AHNAK2: variants seen among roughly 807,000 people sequenced by gnomAD.
AHNAK2 encodes the protein protein AHNAK2.
A neutral mutation model predicts 30.7 loss-of-function variants in AHNAK2; 18 were observed. That is an observed-to-expected ratio of 0.59 (90% CI 0.41 to 0.87). The LOEUF (loss-of-function observed/expected upper bound fraction) is 0.87, where lower values mean the gene tolerates loss of function less well. Ranked by LOEUF, AHNAK2 falls within the 40% of genes least tolerant of loss-of-function variation. The pLI is 0.00. For synonymous variants in AHNAK2, 3,590 were observed against 3,073.8 expected (o/e 1.17, Z -5.56); for missense variants, 8,604 against 7,373.0 (o/e 1.17, Z -6.11).
In AHNAK2 at chr14:104,943,787, C is replaced by T. The variant is rs377510829; in HGVS notation, c.11664G>A (p.Lys3888=). 248 of 1,613,098 alleles carry T rather than the reference C, an allele frequency of 1.5e-4. 1 individual carries two copies. Among genetic ancestry groups the T allele is most frequent in the Non-Finnish European group, 1.9e-4 (228 of 1,179,592 alleles). The part of the protein sequence containing the change: ...EEAGLKGHLP[K]VQMPSFKMPK... ...GCATCTTGAAACTGGGCATCTGCAC[C>T]TTGGGCAGGTGTCCTTTGAGGCCGG... is the stretch of plus-strand genomic sequence containing the variant. The change falls in exon 7 of 7, where the codon AAG becomes AAA. Residue 3888 remains lysine (K), a synonymous_variant. Transcript: ENST00000333244.
intron 1 of AHNAK2, among the ~76,000 whole-genome samples, chr14:104,971,332 C>T (rs1899465790): frequency 6.6e-6 from 1 of 152,156 alleles, no homozygotes; most frequent in Non-Finnish European, 1.5e-5. Flanking sequence ...CCAGGCTGAT[C>T]TCATACGCAT....
Position 104,942,524 on chromosome 14 carries a change from C to G in AHNAK2, c.12927G>C (p.Gly4309=), listed in dbSNP as rs556606574. 6.2e-7 allele frequency: 1 copy of G among 1,612,994 alleles called. No individual in the cohort carries two copies. The highest frequency in any genetic ancestry group is 1.3e-5 in the African/African-American group (1 of 74,714). ...KMPKFKMPSF[G]VSAPGKSIEA... is the part of the protein sequence containing the mutation. The stretch of plus-strand genomic sequence containing the variant: ...CGATGGACTTGCCTGGGGCAGACAC[C>G]CCGAACGACGGCATCTTGAACTTGG... The change falls in exon 7 of 7, where the codon GGG becomes GGC. Residue 4309 remains glycine, a synonymous_variant. Transcript: ENST00000333244.
chr14:104,955,252 C>T (rs1382351242), intron 5 of AHNAK2, 111 bp from the exon 6 acceptor site: 1 of 1,362,412 alleles, frequency 7.3e-7, no homozygotes, highest in Non-Finnish European at 9.9e-7. Context: ...GGGAATCCCA[C>T]TGAGTCTGCC....
chr14:104,976,079 C>T (rs981639069), intron 1 of AHNAK2, among the ~76,000 whole-genome samples: 4 of 152,128 alleles, frequency 2.6e-5, no homozygotes, highest in African/African-American at 9.7e-5. Context: ...GCTCAGGCCA[C>T]ACCGGGGCAG....
At position 104,946,235 on chromosome 14, in the gene AHNAK2, G is replaced by A. The variant is rs1403217477; in HGVS notation, c.9216C>T (p.Pro3072=). 2 of 1,606,532 alleles carry A rather than the reference G, an allele frequency of 1.2e-6. No individual in the cohort carries two copies. Among genetic ancestry groups the A allele is most frequent in the East Asian group, 2.2e-5 (1 of 44,518 alleles). ...PKLQMPSFKM[P]KVDRKGPQID... is the part of the protein sequence containing the mutation. Reference sequence around the variant, plus strand: ...TCTGGGGTCCCTTGCGATCTACTTTGGGCATCTTGAAACTGGGCATCTGCA... The same window carrying A: ...TCTGGGGTCCCTTGCGATCTACTTTAGGCATCTTGAAACTGGGCATCTGCA... The change falls in exon 7 of 7, where the codon CCC becomes CCT. Residue 3072 remains proline, a synonymous_variant. Transcript: ENST00000333244.
chr14:104,947,653 C>T lies in AHNAK2; in HGVS notation c.7798G>A (p.Ala2600Thr), dbSNP rs201261247. The change falls in exon 7 of 7, where the codon GCG (alanine) becomes ACG (threonine). Residue 2600 changes from alanine to threonine, a missense_variant. By Grantham distance (58) the Ala-to-Thr change is moderately conservative. Coordinates refer to ENST00000333244, the MANE Select transcript of AHNAK2 (RefSeq NM_138420.4). ...TCCACATCGGGGGCTGTCACTTCCG[C>T]CTTGGGGCCTTTCAGGTCCAGCTTG... ...GPKLDLKGPK[A>T]EVTAPDVEMS... The T allele has an allele frequency of 4.0e-4, 653 of 1,612,608 alleles. 15 individuals are homozygous for T. In the African/African-American group the frequency reaches 7.4e-3, roughly 18 times the overall value.
chr14:104,976,615 A>T (rs1899598934), intron 1 of AHNAK2, among the ~76,000 whole-genome samples: 1 of 152,124 alleles, frequency 6.6e-6, no homozygotes, highest in African/African-American at 2.4e-5. Flanking sequence ...AGAGCCACTG[A>T]CCTTATTCCC....
Position 104,944,722 on chromosome 14 carries a change from C to A in AHNAK2, c.10729G>T (p.Asp3577Tyr). 1 of 1,612,594 alleles carries A rather than the reference C, an allele frequency of 6.2e-7. No individual in the cohort carries two copies. Among genetic ancestry groups the A allele is most frequent in the Admixed American group, 1.7e-5 (1 of 59,916 alleles). ...AGGTCCAGCTTGGGGCCCTTAACAT[C>A]TATCTGGGGGCCCTTGAGGTCCACT... ...PKVDLKGPQI[D>Y]VKGPKLDLKG... The change falls in exon 7 of 7, where the codon GAT becomes TAT. Residue 3577 changes from aspartate to tyrosine, a missense_variant. By Grantham distance (160) the Asp-to-Tyr change is radical. Transcript: ENST00000333244.
rs564650117 is a variant in AHNAK2, at chr14:104,949,464, G to A, written c.5987C>T (p.Pro1996Leu). 67 of 1,587,410 alleles carry A rather than the reference G, an allele frequency of 4.2e-5. 5 individuals carry two copies. Among genetic ancestry groups the A allele is most frequent in the African/African-American group, 4.0e-4 (29 of 73,322 alleles). Residue 1996 changes from proline (P) to leucine (L), a missense_variant, in exon 7 of 7, where the codon CCG (proline) becomes CTG (leucine). By Grantham distance (98) the Pro-to-Leu change is moderately conservative (BLOSUM62 -3). Transcript: ENST00000333244. The stretch of plus-strand genomic sequence containing the variant: ...CCCTGGGGCCGATACCCCGAACGAC[G>A]GCATCTTGAATTTGGGCATTTTGAA... ...SKFKMPKFKMPSFGVSAPGRS... is the reference protein window; with the variant it reads ...SKFKMPKFKMLSFGVSAPGRS...
rs923579219 is a variant in AHNAK2 at position 104,954,292 on chromosome 14, C to A, written c.1159G>T (p.Val387Leu). The change falls in exon 7 of 7, where the codon GTG (valine) becomes TTG (leucine). Residue 387 changes from valine (V) to leucine (L), a missense_variant. Coordinates refer to ENST00000333244, the MANE Select transcript of AHNAK2 (RefSeq NM_138420.4). The surrounding 1 kb of genome is among the most constrained non-coding windows in gnomAD (Gnocchi z 4.3). The stretch of plus-strand genomic sequence containing the variant: ...AATGGCATGCTCTGAGCAGGCATCA[C>A]TTCTCGATCCTGTTCTGCCCTCTCC... ...REERAEQDRE[V>L]MPAQSMPLPT... 6.2e-7 allele frequency: 1 copy of A among 1,613,556 alleles called. No homozygotes were observed.
chr14:104,978,319 G>T lies in AHNAK2; in HGVS notation c.-82C>A. 1.2e-6 allele frequency: 1 copy of T among 864,224 alleles called. No individual in the cohort carries two copies. Among genetic ancestry groups the T allele is most frequent in the South Asian group, 5.4e-5 (1 of 18,646 alleles). The allele number at this position is 864,224 out of a possible 1,614,324, so 53.5% of individuals were successfully genotyped here. A position where few individuals can be genotyped will look rare whatever the true frequency, so the allele number is the denominator to read the frequency against. On this transcript the variant is annotated 5_prime_UTR_variant, in exon 1 of 7. Coordinates refer to ENST00000333244, the MANE Select transcript of AHNAK2 (RefSeq NM_138420.4). ...GCTCCGGCGCACGGGGCGGGCGGGC[G>T]GGAGCCGCGCTCTGCCCCGCTGCCC...
At position 104,945,652 on chromosome 14, in the gene AHNAK2, C is replaced by T. The variant is rs182868270; in HGVS notation, c.9799G>A (p.Val3267Met). Residue 3267 changes from valine to methionine, a missense_variant, in exon 7 of 7, where the codon GTG (valine) becomes ATG (methionine). Transcript: ENST00000333244. ...GPKMDVTAPDVEVSQPSMEVD... is the reference protein window; with the variant it reads ...GPKMDVTAPDMEVSQPSMEVD... ...TCCATGCTGGGCTGAGACACCTCCA[C>T]GTCGGGGGCCGTCACATCCATCTTC... 4,819 of 1,575,128 alleles carry T rather than the reference C, an allele frequency of 3.1e-3. 142 individuals carry two copies. Among genetic ancestry groups the T allele is most frequent in the Non-Finnish European group, 3.7e-3 (4,252 of 1,153,480 alleles).
rs1198783612 is a variant in AHNAK2, at chr14:104,947,637, G to A, written c.7814C>T (p.Pro2605Leu). Residue 2605 changes from proline to leucine, a missense_variant, in exon 7 of 7, where the codon CCC becomes CTC. Pro to Leu is a moderately conservative substitution (Grantham distance 98). Transcript: ENST00000333244. ...LKGPKAEVTA[P>L]DVEMSLSSME... ...GCTGGACAGAGACATCTCCACATCG[G>A]GGGCTGTCACTTCCGCCTTGGGGCC... The A allele has an allele frequency of 1.2e-6, 2 of 1,613,072 alleles. No individual in the cohort carries two copies. The highest frequency in any genetic ancestry group is 1.7e-6 in the Non-Finnish European group (2 of 1,179,634).
rs369615995 is a variant in AHNAK2, at chr14:104,950,254, C to T, written c.5197G>A (p.Glu1733Lys). 3.7e-4 allele frequency: 583 copies of T among 1,585,296 alleles called. 45 individuals are homozygous for T. In the African/African-American group the frequency reaches 6.0e-3, roughly 16 times the overall value. ...NVKLPEGPLP[E>K]GAGFKGHLPK... ...AGGTGCCCTTTGAAGCCGGCTCCCT[C>T]GGGAAGGGGGCCCTCCGGGAGTTTC... Residue 1733 changes from glutamate to lysine, a missense_variant, in exon 7 of 7, where the codon GAG (glutamate) becomes AAG (lysine). Transcript: ENST00000333244.
rs930358569 is a variant in AHNAK2 at position 104,954,156 on chromosome 14, G to A, written c.1295C>T (p.Ala432Val). 1.9e-6 allele frequency: 3 copies of A among 1,610,274 alleles called. No individual in the cohort carries two copies. The highest frequency in any genetic ancestry group is 1.3e-5 in the African/African-American group (1 of 75,020). ...GGCCCTGGGCTTCCTCTGGGCCACT[G>A]CTGTCTCCTGTGCCTGCCCCTCCAG... The part of the protein sequence containing the change: ...KTLEGQAQET[A>V]VAQRKPRAQP... Residue 432 changes from alanine to valine, a missense_variant, in exon 7 of 7, where the codon GCA becomes GTA. Transcript: ENST00000333244. This position sits in a 1 kb window ranked among gnomAD's most constrained non-coding sequence, Gnocchi z 4.3.
At position 104,947,613 on chromosome 14, in the gene AHNAK2, C is replaced by T. The variant is rs770061464; in HGVS notation, c.7838G>A (p.Ser2613Asn). Residue 2613 changes from serine to asparagine, a missense_variant, in exon 7 of 7, where the codon AGC becomes AAC. Physicochemically the swap from Ser to Asn is conservative, Grantham distance 46. Coordinates refer to ENST00000333244, the MANE Select transcript of AHNAK2 (RefSeq NM_138420.4). ...CGGGGCCTGGACGTCCACCTCCATG[C>T]TGGACAGAGACATCTCCACATCGGG... is the stretch of plus-strand genomic sequence containing the variant. ...TAPDVEMSLS[S>N]MEVDVQAPRA... 22 of 1,613,062 alleles carry T rather than the reference C, an allele frequency of 1.4e-5. No individual in the cohort carries two copies. Among genetic ancestry groups the T allele is most frequent in the African/African-American group, 2.7e-5 (2 of 74,602 alleles).
Position 104,946,160 on chromosome 14 carries a change from C to G in AHNAK2, c.9291G>C (p.Val3097=). The G allele has an allele frequency of 6.2e-7, 1 of 1,612,246 alleles. No homozygotes were observed. The highest frequency in any genetic ancestry group is 1.1e-5 in the South Asian group (1 of 90,958). Residue 3097 remains valine (V), a synonymous_variant, in exon 7 of 7, where the codon GTG becomes GTC. Coordinates refer to ENST00000333244, the MANE Select transcript of AHNAK2 (RefSeq NM_138420.4). ...GAGACACCTCCACGTCGGGGGCCGT[C>G]ACGTCCGTCTTCGGGCCTTTCAGGT... The part of the protein sequence containing the change: ...KLDLKGPKTD[V]TAPDVEVSQP...
chr14:104,947,231 C>T lies in AHNAK2; in HGVS notation c.8220G>A (p.Lys2740=). Residue 2740 remains lysine, a synonymous_variant, in exon 7 of 7, where the codon AAG becomes AAA. Coordinates refer to ENST00000333244, the MANE Select transcript of AHNAK2 (RefSeq NM_138420.4). ...GGCCCTTGAGGTCCACTTCAGGCAT[C>T]TTGAAACTGGGCATCTGCAGCTTGG... The part of the protein sequence containing the change: ...HLPKLQMPSF[K]MPEVDLKGPQ... 1 of 1,612,100 alleles carries T rather than the reference C, an allele frequency of 6.2e-7. No homozygotes were observed. Among genetic ancestry groups the T allele is most frequent in the East Asian group, 2.2e-5 (1 of 44,654 alleles).
rs558621486 is a variant in AHNAK2, at chr14:104,945,965, A to G, written c.9486T>C (p.Ile3162=). The G allele has an allele frequency of 2.4e-6, 3 of 1,246,696 alleles. 1 individual carries two copies. Among genetic ancestry groups the G allele is most frequent in the South Asian group, 1.4e-5 (1 of 72,126 alleles). 77.2% of individuals were successfully genotyped at this position (1,246,696 alleles called of 1,614,324 possible). A position where few individuals can be genotyped will look rare whatever the true frequency, so the allele number is the denominator to read the frequency against. Residue 3162 remains isoleucine, a synonymous_variant, in exon 7 of 7, where the codon ATT becomes ATC. Coordinates refer to ENST00000333244, the MANE Select transcript of AHNAK2 (RefSeq NM_138420.4). ...SFGVSAPGKS[I]EVLVDVSAPK... ...GCGCAGACACATCCACCAAGACCTC[A>G]ATGGACTTGCCTGGGGCAGACACCC...
Sources: allele counts gnomAD v4.1 joint callset (sites outside exome capture counted in the v4.1 genomes callset), GRCh38; gene constraint gnomAD v4.1.1; non-coding constraint Gnocchi (gnomAD v3.1); transcripts MANE v1.5; gene names NCBI Gene and HGNC (gene_info 2026-07-23, HGNC 2026-07-21).